The following SPAG16 variants were observed in gnomAD, a reference collection of about 807,000 sequenced individuals.
The protein encoded by SPAG16 is sperm-associated antigen 16 protein.
In SPAG16, 86 loss-of-function variants were observed where a neutral mutation model predicts 80.4. The ratio of observed to expected loss-of-function variants is 1.07; its 90% CI spans 0.90 to 1.28. The LOEUF (loss-of-function observed/expected upper bound fraction) is 1.28. Ranked by LOEUF, SPAG16 falls within the 50% of genes most tolerant of loss-of-function variation. SPAG16 has a pLI of 0.00. For missense variants in SPAG16, 870 were observed against 765.3 expected, an observed-to-expected ratio of 1.14 and a Z score of -1.61; for synonymous variants, 294 against 265.9, an observed-to-expected ratio of 1.11 and a Z score of -1.03.
At chr2:214,269,227 G>A (rs536499521) in intron 15 of SPAG16, among the ~76,000 whole-genome samples, 1 of 151,242 alleles carries the variant, frequency 6.6e-6, no homozygotes, top group Non-Finnish European at 1.5e-5. Flanking sequence ...TTTCTGAAAA[G>A]AAATGACGTT....
chr2:213,401,779 C>T (rs995988669), intron 9 of SPAG16, among the ~76,000 whole-genome samples: 10 of 151,852 alleles, frequency 6.6e-5, no homozygotes, highest in Non-Finnish European at 1.3e-4. Context: ...TTATTTTTTG[C>T]TTTATGTTAA....
intron 10 of SPAG16, among the ~76,000 whole-genome samples, chr2:213,758,491 A>G (rs1354166543): frequency 1.3e-5 from 2 of 152,130 alleles, no homozygotes; most frequent in African/African-American, 2.4e-5. Flanking sequence ...AAAAAATTCA[A>G]TGGATAGGAA....
chr2:214,046,117 G>A (rs1455083951), intron 13 of SPAG16, among the ~76,000 whole-genome samples: 1 of 151,906 alleles, frequency 6.6e-6, no homozygotes, highest in Non-Finnish European at 1.5e-5. Context: ...TGGATAAATG[G>A]CTAGACACAT....
chr2:213,830,214 G>A (rs2073550327), intron 10 of SPAG16, among the ~76,000 whole-genome samples: 2 of 152,130 alleles, frequency 1.3e-5, no homozygotes, highest in South Asian at 4.1e-4. Flanking sequence ...TGTGGCTAGG[G>A]CTGGTCTAAA....
chr2:213,958,981 A>T (rs2106345037), intron 12 of SPAG16, among the ~76,000 whole-genome samples: 1 of 152,314 alleles, frequency 6.6e-6, no homozygotes, highest in Non-Finnish European at 1.5e-5. Flanking sequence ...ATATCTGGGA[A>T]TGTCATACTT....
At chr2:214,163,223 C>G (rs1368388660) in intron 15 of SPAG16, among the ~76,000 whole-genome samples, 4 of 151,932 alleles carry the variant, frequency 2.6e-5, no homozygotes, top group Non-Finnish European at 5.9e-5. Context: ...TATAACATCT[C>G]TTTCATGTGA....
intron 15 of SPAG16, among the ~76,000 whole-genome samples, chr2:214,178,298 T>G (rs542483817): frequency 2.1e-3 from 315 of 151,026 alleles, no homozygotes; most frequent in African/African-American, 7.3e-3. Flanking sequence ...GAAATTGGAA[T>G]GTAGGAGTTT....
intron 12 of SPAG16, among the ~76,000 whole-genome samples, chr2:214,012,765 C>T (rs1391778701): frequency 6.6e-6 from 1 of 152,118 alleles, no homozygotes; most frequent in Non-Finnish European, 1.5e-5. Context: ...TCTATGTATA[C>T]TCCGTTTCAT....
At chr2:213,873,601 T>C (rs932097641) in intron 11 of SPAG16, among the ~76,000 whole-genome samples, 3 of 152,138 alleles carry the variant, frequency 2.0e-5, no homozygotes, top group African/African-American at 7.2e-5. Flanking sequence ...AGATATTTGT[T>C]CTTTTTAAAT....
intron 12 of SPAG16, among the ~76,000 whole-genome samples, chr2:213,985,644 G>T (rs1323265860): frequency 6.6e-6 from 1 of 152,040 alleles, no homozygotes; most frequent in Non-Finnish European, 1.5e-5. Context: ...GAATTTAGAA[G>T]CTGAAACAAT....
intron 12 of SPAG16, among the ~76,000 whole-genome samples, chr2:213,931,903 A>G (rs2078765206): frequency 6.6e-6 from 1 of 152,010 alleles, no homozygotes; most frequent in South Asian, 2.1e-4. Context: ...TAAAGTAGAA[A>G]TTGATTGTTT....
intron 13 of SPAG16, among the ~76,000 whole-genome samples, chr2:214,094,044 G>A (rs915918226): frequency 1.1e-4 from 16 of 151,978 alleles, no homozygotes; most frequent in African/African-American, 3.6e-4. Context: ...TCAGAATCTT[G>A]GGCTCCATGC....
chr2:213,869,264 A>AAAATAT (rs552335638), intron 11 of SPAG16, among the ~76,000 whole-genome samples: 5 of 63,596 alleles, frequency 7.9e-5, no homozygotes, highest in East Asian at 4.3e-4. Flanking sequence ...AAAAAAAAAA[A>AAAATAT]ATATATATAT....
Position 214,084,544 on chromosome 2 carries a change from C to T in SPAG16, c.1528-23652C>T, listed in dbSNP as rs185542319. ...TGCTTTTCTCACATTCAGTCTCTCTCCTTTCTTTCCTTTATCCAACCCACC... is the reference window on the plus strand; with the variant it reads ...TGCTTTTCTCACATTCAGTCTCTCTTCTTTCTTTCCTTTATCCAACCCACC... On this transcript the variant is annotated intron_variant, in intron 13 of 15. Coordinates refer to ENST00000331683, the MANE Select transcript of SPAG16 (RefSeq NM_024532.5). Among the ~76,000 whole-genome samples the T allele has an allele frequency of 2.6e-5, 4 of 152,308 alleles. No individual in the cohort carries two copies. The East Asian group carries it at 7.7e-4, about 29-fold the overall frequency.
intron 15 of SPAG16, among the ~76,000 whole-genome samples, chr2:214,230,278 A>G (rs1688597685): frequency 6.6e-6 from 1 of 151,970 alleles, no homozygotes; most frequent in Non-Finnish European, 1.5e-5. Flanking sequence ...TAATAGGCCA[A>G]TAAACATGAC....
intron 9 of SPAG16, among the ~76,000 whole-genome samples, chr2:213,381,018 A>T (rs2067144841): frequency 6.6e-6 from 1 of 152,174 alleles, no homozygotes; most frequent in Non-Finnish European, 1.5e-5. Flanking sequence ...TAATATATCT[A>T]TTTCAAGAAT....
chr2:213,392,237 G>A (rs1454874406), intron 9 of SPAG16, among the ~76,000 whole-genome samples: 1 of 152,158 alleles, frequency 6.6e-6, no homozygotes, highest in African/African-American at 2.4e-5. Flanking sequence ...CCACTTAAGT[G>A]CTGATACTTT....
At chr2:213,366,343 G>T (rs1215746775) in intron 8 of SPAG16, among the ~76,000 whole-genome samples, 1 of 151,650 alleles carries the variant, frequency 6.6e-6, no homozygotes, top group Admixed American at 6.6e-5. Flanking sequence ...CACATAAAGA[G>T]AACCACTCCT....
intron 11 of SPAG16, among the ~76,000 whole-genome samples, chr2:213,877,151 T>A (rs928956636): frequency 6.6e-6 from 1 of 152,138 alleles, no homozygotes; most frequent in African/African-American, 2.4e-5. Context: ...TACCCCAAAC[T>A]CTTTTCTTCA....
Sources: allele counts gnomAD v4.1 joint callset (sites outside exome capture counted in the v4.1 genomes callset), GRCh38; gene constraint gnomAD v4.1.1; transcripts MANE v1.5; gene names NCBI Gene and HGNC (gene_info 2026-07-23, HGNC 2026-07-21).